The following CCNY variants were observed in gnomAD, a reference collection of about 807,000 sequenced individuals.
CCNY encodes cyclin Y, also known as cyclin-Y.
CCNY carries 19 observed loss-of-function variants against 42.8 expected under a neutral mutation model. That is an observed-to-expected ratio of 0.44 (90% CI 0.31 to 0.65). CCNY has a LOEUF of 0.65. CCNY is among the 30% of genes least tolerant of loss of function. The probability of loss-of-function intolerance (pLI) is 0.07; values close to 1 mark genes in which losing one functional copy is unlikely to be tolerated. For synonymous variants in CCNY, 165 were observed against 162.7 expected (o/e 1.01, Z -0.11); for missense variants, 370 against 437.3 (o/e 0.85, Z 1.37).
intron 3 of CCNY, among the ~76,000 whole-genome samples, chr10:35,256,439 T>C (rs1305268417): frequency 6.6e-6 from 1 of 152,118 alleles, no homozygotes; most frequent in African/African-American, 2.4e-5. Flanking sequence ...TATACCACTT[T>C]AACTTAACAT....
intron 1 of CCNY, among the ~76,000 whole-genome samples, chr10:35,368,889 G>C (rs938551619): frequency 9.9e-5 from 15 of 152,216 alleles, no homozygotes; most frequent in African/African-American, 3.6e-4. Context: ...CTGGGAGGGT[G>C]GGGCTGGGCC....
intron 1 of CCNY, among the ~76,000 whole-genome samples, chr10:35,351,479 A>T (rs1836428719): frequency 1.3e-5 from 2 of 152,220 alleles, no homozygotes; most frequent in South Asian, 4.1e-4. Flanking sequence ...CTCTCAGGGA[A>T]GGTCCAGCCT....
intron 3 of CCNY, among the ~76,000 whole-genome samples, chr10:35,504,625 TTTGTTGTTG>T (rs376566765): frequency 3.9e-5 from 6 of 151,992 alleles, no homozygotes; most frequent in East Asian, 1.9e-4. Context: ...TAGGAAGGTT[TTTGTTGTTG>T]TTGTTGTTGT....
chr10:35,543,037 C>G (rs749104112), intron 7 of CCNY, among the ~76,000 whole-genome samples: 10 of 152,152 alleles, frequency 6.6e-5, no homozygotes, highest in Non-Finnish European at 1.5e-4. Flanking sequence ...AAACAGATAC[C>G]TCAACTTGTT....
At chr10:35,293,788 ATT>A (rs796927132) in intron 3 of CCNY, among the ~76,000 whole-genome samples, 33 of 139,750 alleles carry the variant, frequency 2.4e-4, no homozygotes, top group African/African-American at 2.9e-4. Context: ...CATACAATTG[ATT>A]TTTTTTTTTT....
intron 7 of CCNY, among the ~76,000 whole-genome samples, chr10:35,544,192 C>T (rs1197741686): frequency 6.6e-6 from 1 of 152,160 alleles, no homozygotes; most frequent in Non-Finnish European, 1.5e-5. Flanking sequence ...AGGATTCACA[C>T]TCACTCACCA....
intron 7 of CCNY, among the ~76,000 whole-genome samples, chr10:35,548,412 C>T (rs1841165444): frequency 6.6e-6 from 1 of 151,454 alleles, no homozygotes; most frequent in Admixed American, 6.6e-5. Context: ...AGTTCTCCTG[C>T]CTCAGCCTCC....
In CCNY at chr10:35,483,436, C is replaced by T; in HGVS notation, c.187C>T (p.Pro63Ser). ...CATGGAATTCAATCCTTCAGATCATCCTCGGGCCAGCACAATATTCCTCAG... is the reference window on the plus strand; with the variant it reads ...CATGGAATTCAATCCTTCAGATCATTCTCGGGCCAGCACAATATTCCTCAG... Reference protein sequence around the residue: ...LNMEFNPSDHPRASTIFLSKS... With the variant: ...LNMEFNPSDHSRASTIFLSKS... The change falls in exon 2 of 10, where the codon CCT becomes TCT. Residue 63 changes from proline (P) to serine (S), a missense_variant. By Grantham distance (74) the Pro-to-Ser change is moderately conservative (BLOSUM62 -1). Transcript: ENST00000374704. 1 of 1,608,488 alleles carries T rather than the reference C, an allele frequency of 6.2e-7. No individual in the cohort carries two copies. The highest frequency in any genetic ancestry group is 8.5e-7 in the Non-Finnish European group (1 of 1,176,202).
intron 1 of CCNY, among the ~76,000 whole-genome samples, chr10:35,464,291 C>T (rs1001010817): frequency 3.3e-5 from 5 of 152,176 alleles, no homozygotes; most frequent in Admixed American, 6.5e-5. Flanking sequence ...AGGTGCATCC[C>T]GTCTCCTCCA....
chr10:35,385,021 A>G (rs368636144), intron 1 of CCNY, among the ~76,000 whole-genome samples: 2 of 152,130 alleles, frequency 1.3e-5, no homozygotes, highest in East Asian at 1.9e-4. Context: ...TTAATGCACA[A>G]TGTCAGATCT....
At chr10:35,519,649 A>G (rs1437709144) in intron 4 of CCNY, among the ~76,000 whole-genome samples, 2 of 152,152 alleles carry the variant, frequency 1.3e-5, no homozygotes, top group East Asian at 1.9e-4. Context: ...GGAACAAGCT[A>G]TGAGACTTCA....
intron 7 of CCNY, 49 bp from the exon 8 acceptor site, chr10:35,552,970 T>C: frequency 6.4e-7 from 1 of 1,572,562 alleles, no homozygotes; most frequent in Non-Finnish European, 8.7e-7. Context: ...TGTGCTGGTG[T>C]TTAGGAGAAA....
intron 3 of CCNY, among the ~76,000 whole-genome samples, chr10:35,324,107 C>T (rs368841072): frequency 1.4e-4 from 22 of 151,882 alleles, no homozygotes; most frequent in African/African-American, 5.1e-4. Flanking sequence ...AAAAAGAATA[C>T]ACCTCAAACC....
At chr10:35,489,445 C>T (rs1394050950) in intron 2 of CCNY, among the ~76,000 whole-genome samples, 1 of 151,978 alleles carries the variant, frequency 6.6e-6, no homozygotes, top group Admixed American at 6.5e-5. Flanking sequence ...GGACTACAGG[C>T]GCCCACCACC....
Position 35,572,070 on chromosome 10 carries a change from TGAGGTGAGGCCA to T in CCNY, c.*2907_*2918del, listed in dbSNP as rs1295995083. 2 of 152,096 alleles carry T rather than the reference TGAGGTGAGGCCA, an allele frequency of 1.3e-5. No individual in the cohort carries two copies. Among genetic ancestry groups the T allele is most frequent in the Admixed American group, 6.6e-5 (1 of 15,266 alleles). The allele number at this position is 152,096 out of a possible 1,614,324, so 9.4% of individuals were successfully genotyped here. The stretch of plus-strand genomic sequence containing the variant: ...CAAGATCGGGATGTGCCTTCATGCA[TGAGGTGAGGCCA>T]GAGGTGTGGGCACCTGTACCTGCCT... On this transcript the variant is annotated 3_prime_UTR_variant, in exon 10 of 10. Transcript: ENST00000374704.
intron 1 of CCNY, among the ~76,000 whole-genome samples, chr10:35,462,496 A>G (rs1839177036): frequency 1.3e-5 from 2 of 152,220 alleles, no homozygotes; most frequent in South Asian, 4.1e-4. Flanking sequence ...AACTAGCTAG[A>G]CAGTGAGACC....
At chr10:35,298,644 G>A (rs1002847207) in intron 3 of CCNY, among the ~76,000 whole-genome samples, 1 of 152,138 alleles carries the variant, frequency 6.6e-6, no homozygotes, top group Admixed American at 6.5e-5. Context: ...AGCCGCCTGA[G>A]TAGCTAGGAC....
chr10:35,462,992 T>G (rs1055171411), intron 1 of CCNY, among the ~76,000 whole-genome samples: 1 of 152,246 alleles, frequency 6.6e-6, no homozygotes, highest in Non-Finnish European at 1.5e-5. Context: ...AAGTATAAAC[T>G]GCTGGTAAAT....
chr10:35,291,511 C>T (rs1002997099), intron 3 of CCNY, among the ~76,000 whole-genome samples: 7 of 148,860 alleles, frequency 4.7e-5, no homozygotes, highest in Non-Finnish European at 1.0e-4. Context: ...GCTGCTACAG[C>T]ATTTGTGTAC....
Sources: allele counts gnomAD v4.1 joint callset (sites outside exome capture counted in the v4.1 genomes callset), GRCh38; gene constraint gnomAD v4.1.1; transcripts MANE v1.5; gene names NCBI Gene and HGNC (gene_info 2026-07-23, HGNC 2026-07-21).